TF: variants seen among roughly 807,000 people sequenced by gnomAD.
TF encodes serotransferrin.
Under a neutral mutation model 82.4 loss-of-function variants are expected in TF, and 55 were observed. That is an observed-to-expected ratio of 0.67 (90% CI 0.54 to 0.84). TF has a LOEUF of 0.84. Ranked by LOEUF, TF falls within the 40% of genes least tolerant of loss-of-function variation. TF has a pLI of 0.00. For synonymous variants in TF, 332 were observed against 332.6 expected, an observed-to-expected ratio of 1.00 and a Z score of 0.02; for missense variants, 737 against 868.4, an observed-to-expected ratio of 0.85 and a Z score of 1.90.
the TF span, among the ~76,000 whole-genome samples, chr3:133,707,012 T>C: frequency 6.6e-6 from 1 of 152,214 alleles, no homozygotes; most frequent in Non-Finnish European, 1.5e-5. Flanking sequence ...ATTCTGATCA[T>C]TTATAGTCAG....
chr3:133,758,509 T>C (rs1933901194), intron 8 of TF, among the ~76,000 whole-genome samples: 1 of 152,238 alleles, frequency 6.6e-6, no homozygotes, highest in Non-Finnish European at 1.5e-5. Context: ...GGGGAGAAGA[T>C]AAATGTTTAA....
chr3:133,730,941 C>T, the TF span, among the ~76,000 whole-genome samples: 1 of 152,156 alleles, frequency 6.6e-6, no homozygotes, highest in Admixed American at 6.5e-5. Context: ...ATACACTTTA[C>T]ATATATGTAC....
intron 13 of TF, among the ~76,000 whole-genome samples, chr3:133,769,449 T>C (rs1934206456): frequency 6.6e-6 from 1 of 152,256 alleles, no homozygotes; most frequent in African/African-American, 2.4e-5. Context: ...ATAACATGTA[T>C]GTATAAACAT....
intron 4 of TF, 136 bp from the exon 5 acceptor site, chr3:133,755,227 A>C: frequency 8.9e-7 from 1 of 1,127,116 alleles, no homozygotes. Flanking sequence ...ATGAGTTAGC[A>C]TAAGGGCAAG....
At chr3:133,728,255 A>G in the TF span, among the ~76,000 whole-genome samples, 1 of 152,192 alleles carries the variant, frequency 6.6e-6, no homozygotes, top group Non-Finnish European at 1.5e-5. Flanking sequence ...GTGTTTTCCA[A>G]CTTGGTTCCA....
At chr3:133,683,555 G>C in the TF span, among the ~76,000 whole-genome samples, 1 of 152,126 alleles carries the variant, frequency 6.6e-6, no homozygotes, top group Admixed American at 6.6e-5. Flanking sequence ...TGCAATCCTA[G>C]TCTCTGATAA....
chr3:133,675,140 G>C, the TF span, among the ~76,000 whole-genome samples: 10 of 150,896 alleles, frequency 6.6e-5, no homozygotes, highest in South Asian at 1.9e-3. Context: ...AGCTACTCCG[G>C]AGGCTGAGGC....
At chr3:133,750,768 A>G (rs1373572992) in intron 2 of TF, among the ~76,000 whole-genome samples, 2 of 151,942 alleles carry the variant, frequency 1.3e-5, no homozygotes, top group Admixed American at 1.3e-4. Context: ...TGTTTGCTTC[A>G]TTTTTTAAAA....
the TF span, among the ~76,000 whole-genome samples, chr3:133,676,473 C>G: frequency 6.6e-6 from 1 of 152,210 alleles, no homozygotes; most frequent in Non-Finnish European, 1.5e-5. Context: ...AGAGCCCTCC[C>G]TGGCTCAGCA....
the TF span, among the ~76,000 whole-genome samples, chr3:133,728,468 C>G: frequency 6.6e-6 from 1 of 152,050 alleles, no homozygotes. Flanking sequence ...CTTCTGCATT[C>G]TTCACGTAGT....
chr3:133,777,264 A>C (rs1358974449), intron 16 of TF, 26 bp downstream of exon 16: 1 of 1,606,238 alleles, frequency 6.2e-7, no homozygotes, highest in Non-Finnish European at 8.5e-7. Context: ...AGCATGGGGA[A>C]GTGGCAACCA....
the TF span, among the ~76,000 whole-genome samples, chr3:133,695,952 C>A: frequency 2.6e-5 from 4 of 152,238 alleles, no homozygotes; most frequent in Non-Finnish European, 4.4e-5. Context: ...CAGAACAGTG[C>A]GAAATTCTAT....
At position 133,786,882 on chromosome 3, in the gene TF, TAA is replaced by T. The variant is rs1934701095; in HGVS notation, c.*8263_*8264del. 1 of 152,260 alleles carries T rather than the reference TAA, an allele frequency of 6.6e-6. No individual in the cohort carries two copies. The highest frequency in any genetic ancestry group is 1.5e-5 in the Non-Finnish European group (1 of 68,048). 9.4% of individuals were successfully genotyped at this position (152,260 alleles called of 1,614,324 possible). A position where few individuals can be genotyped will look rare whatever the true frequency, so the allele number is the denominator to read the frequency against. Reference sequence around the variant, plus strand: ...ATGTTCAGAATTGCCTGATGTATGTTAAGTGTAGAGGTAGTAAAATATCACCT... The same window carrying T: ...ATGTTCAGAATTGCCTGATGTATGTTGTGTAGAGGTAGTAAAATATCACCT... On this transcript the variant is annotated 3_prime_UTR_variant, in exon 17 of 17. Coordinates refer to ENST00000402696, the MANE Select transcript of TF (RefSeq NM_001063.4).
In TF at chr3:133,778,344, G is replaced by A. The variant is rs1170236628; in HGVS notation, c.2063-242G>A. The A allele has an allele frequency of 3.3e-5, 14 of 418,680 alleles. No homozygotes were observed. In the East Asian group the frequency reaches 3.8e-4, roughly 11 times the overall value. The allele number at this position is 418,680 out of a possible 1,614,324, so 25.9% of individuals were successfully genotyped here. A position where few individuals can be genotyped will look rare whatever the true frequency, so the allele number is the denominator to read the frequency against. ...GTGAGCCTCGCCCATAAGAAACAAG[G>A]TGGAGGACCCTGTAGGGCAGGAAAA... On this transcript the variant is annotated intron_variant, in intron 16 of 16. Transcript: ENST00000402696.
chr3:133,734,817 A>T, the TF span, among the ~76,000 whole-genome samples: 2 of 151,928 alleles, frequency 1.3e-5, no homozygotes, highest in Non-Finnish European at 2.9e-5. Context: ...AAAAAAAAAA[A>T]ACCTGTTAAA....
chr3:133,684,954 A>G, the TF span, among the ~76,000 whole-genome samples: 69 of 152,358 alleles, frequency 4.5e-4, no homozygotes, highest in African/African-American at 1.5e-3. Flanking sequence ...AAAAATCCTC[A>G]GTAAAATACT....
chr3:133,720,421 C>T, the TF span, among the ~76,000 whole-genome samples: 86 of 152,190 alleles, frequency 5.7e-4, 2 homozygotes, highest in East Asian at 0.016. Context: ...TATGTTAAAT[C>T]ATCCTTGCAT....
rs114400144 is a variant in TF at position 133,782,633 on chromosome 3, G to A, written c.*4013G>A. 4,652 of 151,990 alleles carry A rather than the reference G, an allele frequency of 0.031. 252 individuals are homozygous for A. Among genetic ancestry groups the A allele is most frequent in the African/African-American group, 0.11 (4,437 of 41,364 alleles). The allele number at this position is 151,990 out of a possible 1,614,324, so 9.4% of individuals were successfully genotyped here. On this transcript the variant is annotated 3_prime_UTR_variant, in exon 17 of 17. Transcript: ENST00000402696. ...AACAAAACCTGAGGTGGAGGAGGGT[G>A]GAGAGATGTAGGTCAGAGGATACAA...
the TF span, among the ~76,000 whole-genome samples, chr3:133,682,904 G>A: frequency 6.6e-6 from 1 of 152,114 alleles, no homozygotes; most frequent in South Asian, 2.1e-4. Context: ...ACACATAATT[G>A]TCAGATTCAA....
Sources: allele counts gnomAD v4.1 joint callset (sites outside exome capture counted in the v4.1 genomes callset), GRCh38; gene constraint gnomAD v4.1.1; transcripts MANE v1.5; gene names NCBI Gene and HGNC (gene_info 2026-07-23, HGNC 2026-07-21).